The following ADGRL3 variants were observed in gnomAD, a reference collection of about 807,000 sequenced individuals.
ADGRL3 encodes calcium-independent alpha-latrotoxin receptor 3.
A neutral mutation model predicts 153.5 loss-of-function variants in ADGRL3; 62 were observed. The observed-to-expected ratio is 0.40, with a 90% CI of 0.33 to 0.50. ADGRL3 has a LOEUF of 0.50. Among genes scored for constraint, ADGRL3 ranks in the 20% least tolerant of loss-of-function variants. ADGRL3 has a pLI of 0.47. For synonymous variants in ADGRL3, 710 were observed against 672.5 expected, an observed-to-expected ratio of 1.06 and a Z score of -0.86; for missense variants, 1,641 against 1,859.4, an observed-to-expected ratio of 0.88 and a Z score of 2.16.
At chr4:61,841,362 C>A (rs1410328715) in intron 9 of ADGRL3, among the ~76,000 whole-genome samples, 2 of 152,018 alleles carry the variant, frequency 1.3e-5, no homozygotes, top group African/African-American at 2.4e-5. Context: ...TATTCTTAGG[C>A]CTTGCAAATA....
intron 5 of ADGRL3, among the ~76,000 whole-genome samples, chr4:61,592,523 G>A (rs2098973854): frequency 6.6e-6 from 1 of 152,078 alleles, no homozygotes; most frequent in South Asian, 2.1e-4. Flanking sequence ...CTGTGTGCAT[G>A]TCTCTTTAAA....
intron 5 of ADGRL3, among the ~76,000 whole-genome samples, chr4:61,658,532 A>G (rs1395474176): frequency 6.6e-6 from 1 of 152,160 alleles, no homozygotes; most frequent in Non-Finnish European, 1.5e-5. Flanking sequence ...AACATATTGC[A>G]TAGTGTTGGA....
chr4:61,647,007 G>T (rs1038655549), intron 5 of ADGRL3, among the ~76,000 whole-genome samples: 50 of 152,306 alleles, frequency 3.3e-4, no homozygotes, highest in African/African-American at 1.2e-3. Flanking sequence ...GGTAGGAAAA[G>T]CGCAGTCTTC....
At chr4:61,610,242 C>T (rs2099047902) in intron 5 of ADGRL3, among the ~76,000 whole-genome samples, 1 of 151,776 alleles carries the variant, frequency 6.6e-6, no homozygotes, top group Non-Finnish European at 1.5e-5. Context: ...AAATCTCTAA[C>T]CTAGCACCTT....
At chr4:61,517,574 A>T (rs1296609771) in intron 4 of ADGRL3, 56 bp downstream of exon 4, 2 of 692,612 alleles carry the variant, frequency 2.9e-6, no homozygotes, top group Non-Finnish European at 2.6e-6. Flanking sequence ...GGCTCCTGAG[A>T]GGCTCAGCCC....
intron 8 of ADGRL3, among the ~76,000 whole-genome samples, chr4:61,768,495 G>T (rs959999465): frequency 6.6e-6 from 1 of 152,068 alleles, no homozygotes; most frequent in Non-Finnish European, 1.5e-5. Context: ...ATGTGTAAAA[G>T]AATGCCTGGA....
chr4:61,890,572 T>C (rs899367243), intron 9 of ADGRL3, among the ~76,000 whole-genome samples: 56 of 152,268 alleles, frequency 3.7e-4, no homozygotes, highest in African/African-American at 1.3e-3. Context: ...CACATCCTCT[T>C]ATCAGAAACC....
At chr4:61,283,846 G>A (rs1006073768) in intron 1 of ADGRL3, among the ~76,000 whole-genome samples, 3 of 151,926 alleles carry the variant, frequency 2.0e-5, no homozygotes, top group Non-Finnish European at 4.4e-5. Flanking sequence ...CTGATTGTCC[G>A]TGCATTTTTG....
chr4:61,475,865 C>T (rs80119635), intron 2 of ADGRL3, among the ~76,000 whole-genome samples: 2,579 of 140,698 alleles, frequency 0.018, 79 homozygotes, highest in African/African-American at 0.064. Flanking sequence ...AGATCATGTA[C>T]TGATGAACAA....
chr4:61,829,851 T>C (rs2097850133), intron 9 of ADGRL3, among the ~76,000 whole-genome samples: 1 of 152,114 alleles, frequency 6.6e-6, no homozygotes. Context: ...GCCAAGGAAC[T>C]GGTACTTTGT....
chr4:61,255,790 C>T (rs550719250), intron 1 of ADGRL3, among the ~76,000 whole-genome samples: 1 of 152,268 alleles, frequency 6.6e-6, no homozygotes, highest in Admixed American at 6.5e-5. Flanking sequence ...TGAAATAGCT[C>T]ACGGTTAGTG....
Position 62,076,687 on chromosome 4 carries a change from A to C in ADGRL3, c.*5779A>C, listed in dbSNP as rs1379888632. On this transcript the variant is annotated 3_prime_UTR_variant, in exon 27 of 27. Coordinates refer to ENST00000683033, the MANE Select transcript of ADGRL3 (RefSeq NM_001387552.1). ...ACGGGAAACATTAAATACTTTAAAC[A>C]CTCTTGAGATATTTCGTATCTAGCT... 1 of 151,832 alleles carries C rather than the reference A, an allele frequency of 6.6e-6. No homozygotes were observed. The highest frequency in any genetic ancestry group is 1.5e-5 in the Non-Finnish European group (1 of 67,846). The allele number at this position is 151,832 out of a possible 1,614,324, so 9.4% of individuals were successfully genotyped here.
intron 4 of ADGRL3, among the ~76,000 whole-genome samples, chr4:61,517,801 A>G (rs1011211581): frequency 7.9e-5 from 12 of 152,208 alleles, no homozygotes; most frequent in Admixed American, 5.2e-4. Context: ...GAAATTTAAA[A>G]TTACTTTTAG....
Position 61,501,538 on chromosome 4 carries a change from G to A in ADGRL3, c.55+4190G>A, listed in dbSNP as rs542166352. On this transcript the variant is annotated intron_variant, in intron 3 of 26. Transcript: ENST00000683033. ...TTTCTACTCAAACCTCAGTATCTAT[G>A]TTTTGCCAAACATTTCTAAATACTA... Among the ~76,000 whole-genome samples the A allele has an allele frequency of 1.8e-4, 28 of 152,146 alleles. No individual in the cohort carries two copies. The South Asian group carries it at 2.3e-3, about 12-fold the overall frequency.
intron 8 of ADGRL3, among the ~76,000 whole-genome samples, chr4:61,793,167 G>A (rs1486985496): frequency 6.6e-6 from 1 of 152,080 alleles, no homozygotes; most frequent in East Asian, 1.9e-4. Context: ...GCTCATGCCT[G>A]TAATCCCAGC....
intron 4 of ADGRL3, among the ~76,000 whole-genome samples, chr4:61,566,936 C>T (rs964027283): frequency 6.6e-6 from 1 of 152,104 alleles, no homozygotes; most frequent in African/African-American, 2.4e-5. Context: ...ATCAATTACC[C>T]ATTCATCTTG....
At chr4:62,044,676 T>C in intron 25 of ADGRL3, 127 bp downstream of exon 25, 1 of 597,484 alleles carries the variant, frequency 1.7e-6, no homozygotes, top group Non-Finnish European at 2.9e-6. Context: ...AACATAAAAC[T>C]TGGTTGAGTG....
rs562919457 is a variant in ADGRL3 at position 61,610,419 on chromosome 4, A to G, written c.473+22979A>G. 3.3e-5 allele frequency among the ~76,000 whole-genome samples: 5 copies of G among 152,274 alleles called. No individual in the cohort carries two copies. In the South Asian group the frequency reaches 1.0e-3, roughly 32 times the overall value. Reference sequence around the variant, plus strand: ...GTAATTTCAGATTTAGACATGATAGATCATCTTCTTCTGTCGGGACTGATC... The same window carrying G: ...GTAATTTCAGATTTAGACATGATAGGTCATCTTCTTCTGTCGGGACTGATC... On this transcript the variant is annotated intron_variant, in intron 5 of 26. Transcript: ENST00000683033.
At chr4:61,916,178 T>C (rs979043839) in intron 13 of ADGRL3, among the ~76,000 whole-genome samples, 22 of 152,188 alleles carry the variant, frequency 1.4e-4, no homozygotes, top group African/African-American at 5.3e-4. Flanking sequence ...TGTGATATTT[T>C]AAATAATATG....
Sources: allele counts gnomAD v4.1 joint callset (sites outside exome capture counted in the v4.1 genomes callset), GRCh38; gene constraint gnomAD v4.1.1; transcripts MANE v1.5; gene names NCBI Gene and HGNC (gene_info 2026-07-23, HGNC 2026-07-21).